The following SLC1A1 variants were observed in gnomAD, a reference collection of about 807,000 sequenced individuals.
SLC1A1 encodes excitatory amino acid transporter 3.
In SLC1A1, 43 loss-of-function variants were observed where a neutral mutation model predicts 53.3. The observed-to-expected ratio is 0.81, with a 90% CI of 0.63 to 1.04. SLC1A1 has a LOEUF of 1.04. Among genes scored for constraint, SLC1A1 ranks in the 50% least tolerant of loss-of-function variants. SLC1A1 has a pLI of 0.00. For missense variants in SLC1A1, 748 were observed against 664.9 expected, an observed-to-expected ratio of 1.12 and a Z score of -1.37; for synonymous variants, 307 against 243.2, an observed-to-expected ratio of 1.26 and a Z score of -2.44.
In SLC1A1 at chr9:4,583,882, T is replaced by TCTCTCTCTCTCTCTCACA. The variant is rs1423949414; in HGVS notation, c.1328+711_1328+712insTCTCTCTCTCTCTCACAC. ...CTCTCTCTCTCTCTCTCTCTCTCTC[T>TCTCTCTCTCTCTCTCACA]CACACACACACACACACACACACAC... On this transcript the variant is annotated intron_variant, in intron 11 of 11. Coordinates refer to ENST00000262352, the MANE Select transcript of SLC1A1 (RefSeq NM_004170.6). The surrounding 1 kb of genome is among the most constrained non-coding windows in gnomAD (Gnocchi z 4.6). Among the ~76,000 whole-genome samples, 12 of 137,044 alleles carry TCTCTCTCTCTCTCTCACA rather than the reference T, an allele frequency of 8.8e-5. No homozygotes were observed. The highest frequency in any genetic ancestry group is 2.5e-4 in the African/African-American group (9 of 35,358). The allele number at this position is 137,044 out of a possible 152,430, so 89.9% of individuals were successfully genotyped here. A position where few individuals can be genotyped will look rare whatever the true frequency, so the allele number is the denominator to read the frequency against.
At chr9:4,544,834 G>T in intron 2 of SLC1A1, 127 bp downstream of exon 2, 2 of 825,894 alleles carry the variant, frequency 2.4e-6, no homozygotes, top group Non-Finnish European at 3.9e-6. Context: ...TGGCTCAGAA[G>T]GTCTCAGGAA....
intron 10 of SLC1A1, among the ~76,000 whole-genome samples, chr9:4,582,678 T>C (rs1273791672): frequency 2.0e-5 from 3 of 152,208 alleles, no homozygotes; most frequent in Non-Finnish European, 2.9e-5. Flanking sequence ...TATGTATACA[T>C]AGATGAGTAC....
At chr9:4,530,939 G>A (rs1036784621) in intron 1 of SLC1A1, among the ~76,000 whole-genome samples, 1 of 152,136 alleles carries the variant, frequency 6.6e-6, no homozygotes, top group East Asian at 1.9e-4. Flanking sequence ...CTCTTTGGTC[G>A]CTAGGAAAAG....
intron 3 of SLC1A1, among the ~76,000 whole-genome samples, chr9:4,563,875 G>A (rs1328816092): frequency 1.3e-5 from 2 of 152,132 alleles, no homozygotes; most frequent in African/African-American, 2.4e-5. Flanking sequence ...GGTATGGAAG[G>A]AAGGCAAGGC....
intron 1 of SLC1A1, among the ~76,000 whole-genome samples, chr9:4,535,547 T>C (rs1033844936): frequency 6.6e-6 from 1 of 151,930 alleles, no homozygotes; most frequent in African/African-American, 2.4e-5. Context: ...CACTGCTCAA[T>C]GAAATAAAAG....
At chr9:4,538,553 C>G (rs1218830100) in intron 1 of SLC1A1, among the ~76,000 whole-genome samples, 1 of 152,092 alleles carries the variant, frequency 6.6e-6, no homozygotes, top group Non-Finnish European at 1.5e-5. Context: ...AAAATAGAAA[C>G]AATACAACCT....
chr9:4,522,105 G>A (rs1181212841), intron 1 of SLC1A1, among the ~76,000 whole-genome samples: 1 of 141,518 alleles, frequency 7.1e-6, no homozygotes, highest in Non-Finnish European at 1.5e-5. Context: ...AGGCTGGAGT[G>A]CAGTGGCACA....
chr9:4,501,764 C>CCAAAACAAAA lies in SLC1A1; in HGVS notation c.91+11014_91+11023dup, dbSNP rs140029812. On this transcript the variant is annotated intron_variant, in intron 1 of 11. Transcript: ENST00000262352. ...GGGCAATGAGAGCTAAACTCCATCT[C>CCAAAACAAAA]CAAAACAAAACAAAACAAAACAAAA... 2.0e-3 allele frequency among the ~76,000 whole-genome samples: 300 copies of CCAAAACAAAA among 150,966 alleles called. 7 individuals are homozygous for CCAAAACAAAA. The highest frequency in any genetic ancestry group is 6.5e-3 in the African/African-American group (263 of 40,542).
At chr9:4,576,785 A>C (rs564902026) in intron 10 of SLC1A1, 22 bp downstream of exon 10, 1 of 1,603,910 alleles carries the variant, frequency 6.2e-7, no homozygotes, top group Non-Finnish European at 8.5e-7. Context: ...TGTCACATTC[A>C]TTGTCATCAC....
In SLC1A1 at chr9:4,555,955, T is replaced by C. The variant is rs1164633675; in HGVS notation, c.233-5494T>C. 2.0e-5 allele frequency among the ~76,000 whole-genome samples: 3 copies of C among 151,842 alleles called. No homozygotes were observed. The South Asian group carries it at 6.2e-4, about 32-fold the overall frequency. ...TAGTTAGAGCAAATTACTAGAAAAG[T>C]TATATTAAAAATAGACATACAAAAT... is the stretch of plus-strand genomic sequence containing the variant. On this transcript the variant is annotated intron_variant, in intron 2 of 11. Coordinates refer to ENST00000262352, the MANE Select transcript of SLC1A1 (RefSeq NM_004170.6).
At chr9:4,572,524 T>G in intron 7 of SLC1A1, 136 bp downstream of exon 7, 1 of 823,720 alleles carries the variant, frequency 1.2e-6, no homozygotes, top group Non-Finnish European at 2.1e-6. Flanking sequence ...CACCAGAGTA[T>G]TTTGTGGGGG....
chr9:4,566,697 T>A (rs572211934), intron 5 of SLC1A1, among the ~76,000 whole-genome samples: 61 of 151,792 alleles, frequency 4.0e-4, no homozygotes, highest in South Asian at 1.0e-3. Flanking sequence ...AGAAATAATT[T>A]AAAAAAAAAT....
At chr9:4,537,193 A>T (rs1187837178) in intron 1 of SLC1A1, among the ~76,000 whole-genome samples, 3 of 152,164 alleles carry the variant, frequency 2.0e-5, no homozygotes, top group East Asian at 1.9e-4. Flanking sequence ...TAAATAATAA[A>T]AAAAAAAGAT....
In SLC1A1 at chr9:4,523,382, C is replaced by T. The variant is rs7862687; in HGVS notation, c.92-21185C>T. 3.3e-3 allele frequency among the ~76,000 whole-genome samples: 495 copies of T among 151,642 alleles called. 3 individuals are homozygous for T. Among genetic ancestry groups the T allele is most frequent in the African/African-American group, 0.011 (469 of 41,310 alleles). ...TTTTTTTCCACATGCCATTTGTTCT[C>T]GTACCACTAAGACCCTAAGACTTTT... On this transcript the variant is annotated intron_variant, in intron 1 of 11. Transcript: ENST00000262352.
intron 1 of SLC1A1, among the ~76,000 whole-genome samples, chr9:4,517,868 C>T (rs895250373): frequency 2.0e-4 from 31 of 152,058 alleles, no homozygotes; most frequent in African/African-American, 6.0e-4. Flanking sequence ...TCCCTGTAGC[C>T]TTGTACGTTT....
At chr9:4,514,113 G>T (rs915833689) in intron 1 of SLC1A1, among the ~76,000 whole-genome samples, 2 of 152,174 alleles carry the variant, frequency 1.3e-5, no homozygotes, top group East Asian at 3.9e-4. Flanking sequence ...TTCTAATTTT[G>T]ATGGTGGCTA....
intron 1 of SLC1A1, among the ~76,000 whole-genome samples, chr9:4,534,700 T>TA (rs1816607206): frequency 9.2e-6 from 1 of 108,520 alleles, no homozygotes; most frequent in South Asian, 2.5e-4. Context: ...GAATCCTCCC[T>TA]AACTCATGAG....
chr9:4,554,355 T>G (rs577847700), intron 2 of SLC1A1: 15 of 152,364 alleles, frequency 9.8e-5, no homozygotes, highest in African/African-American at 2.9e-4. Context: ...AACAAGCAGA[T>G]AGCTAGGTCT....
intron 1 of SLC1A1, 33 bp from the exon 2 acceptor site, chr9:4,544,534 C>A (rs1406632231): frequency 6.2e-7 from 1 of 1,606,696 alleles, no homozygotes. Context: ...AATAATGTTC[C>A]TCTTCCTTCT....
Sources: allele counts gnomAD v4.1 joint callset (sites outside exome capture counted in the v4.1 genomes callset), GRCh38; gene constraint gnomAD v4.1.1; non-coding constraint Gnocchi (gnomAD v3.1); transcripts MANE v1.5; gene names NCBI Gene and HGNC (gene_info 2026-07-23, HGNC 2026-07-21).